The following RMND5B variants were observed in gnomAD, a reference collection of about 807,000 sequenced individuals.
RMND5B encodes the protein E3 ubiquitin-protein transferase RMND5B.
Under a neutral mutation model 50.4 loss-of-function variants are expected in RMND5B, and 42 were observed. The observed-to-expected ratio is 0.83, with a 90% CI of 0.65 to 1.08. The LOEUF is 1.08. RMND5B is among the 50% of genes least tolerant of loss of function. The pLI is 0.00. For synonymous variants in RMND5B, 220 were observed against 210.0 expected (o/e 1.05, Z -0.41); for missense variants, 463 against 508.5 (o/e 0.91, Z 0.86).
chr5:178,141,855 CT>C (rs1758962822), intron 3 of RMND5B: 1 of 152,210 alleles, frequency 6.6e-6, no homozygotes, highest in South Asian at 2.1e-4. Flanking sequence ...CATTTCCTCC[CT>C]CTCCCTAGCC....
rs1758671504 is a variant in RMND5B at position 178,137,384 on chromosome 5, A to G, written c.-12-724A>G. The stretch of plus-strand genomic sequence containing the variant: ...CCTCTAACTGTAAGAATGTGGCCAT[A>G]ATAACTCTATGAAAATACACGGGCC... On this transcript the variant is annotated intron_variant, in intron 2 of 10. Coordinates refer to ENST00000313386, the MANE Select transcript of RMND5B (RefSeq NM_022762.5). The surrounding 1 kb of genome is among the most constrained non-coding windows in gnomAD (Gnocchi z 4.4). Among the ~76,000 whole-genome samples, 1 of 152,178 alleles carries G rather than the reference A, an allele frequency of 6.6e-6. No homozygotes were observed. Among genetic ancestry groups the G allele is most frequent in the African/African-American group, 2.4e-5 (1 of 41,450 alleles).
intron 3 of RMND5B, among the ~76,000 whole-genome samples, chr5:178,139,651 C>G (rs1344342124): frequency 6.6e-6 from 1 of 151,056 alleles, no homozygotes; most frequent in African/African-American, 2.4e-5. Context: ...TCAAGAGATT[C>G]TCCTGCTTCA....
chr5:178,146,448 G>T, intron 8 of RMND5B, 169 bp downstream of exon 8: 1 of 647,430 alleles, frequency 1.5e-6, no homozygotes, highest in Non-Finnish European at 2.6e-6. Flanking sequence ...CAGTTAAACT[G>T]AGACTAGGAA....
intron 8 of RMND5B, 39 bp from the exon 9 acceptor site, chr5:178,147,494 G>A: frequency 6.4e-7 from 1 of 1,572,662 alleles, no homozygotes; most frequent in Non-Finnish European, 8.7e-7. Flanking sequence ...CCTGTCTGCT[G>A]TGATCTGAGC....
intron 2 of RMND5B, chr5:178,133,491 C>T (rs1394920171): frequency 6.6e-6 from 1 of 152,152 alleles, no homozygotes; most frequent in African/African-American, 2.4e-5. Flanking sequence ...ACTGCAACCT[C>T]CACCTCCTAG....
At chr5:178,139,492 C>G (rs1044133376) in intron 3 of RMND5B, among the ~76,000 whole-genome samples, 8 of 151,186 alleles carry the variant, frequency 5.3e-5, no homozygotes, top group Admixed American at 1.3e-4. Context: ...TAGGTGTGAG[C>G]CACCATACCC....
At chr5:178,146,558 C>T in intron 8 of RMND5B, 1 of 404,096 alleles carries the variant, frequency 2.5e-6, no homozygotes, top group Non-Finnish European at 4.6e-6. Flanking sequence ...GCACCTCACC[C>T]TGGATCATTG....
chr5:178,134,640 A>G (rs1227971879), intron 2 of RMND5B, among the ~76,000 whole-genome samples: 3 of 152,136 alleles, frequency 2.0e-5, no homozygotes, highest in Non-Finnish European at 2.9e-5. Context: ...AATACCCACG[A>G]ACAGTTCTGT....
At chr5:178,131,897 C>T (rs974647700) in intron 2 of RMND5B, among the ~76,000 whole-genome samples, 1 of 151,494 alleles carries the variant, frequency 6.6e-6, no homozygotes, top group African/African-American at 2.4e-5. Context: ...GGTTTGGTCA[C>T]ATAGAGTCTG....
Position 178,148,290 on chromosome 5 carries a change from T to C in RMND5B, c.*258T>C, listed in dbSNP as rs1211392911. Reference sequence around the variant, plus strand: ...TGCTCCTGCTGTCTTTTCCTGTTTCTGTTTGCGTTTGACTTAGTAGCAACC... The same window carrying C: ...TGCTCCTGCTGTCTTTTCCTGTTTCCGTTTGCGTTTGACTTAGTAGCAACC... On this transcript the variant is annotated 3_prime_UTR_variant, in exon 11 of 11. Coordinates refer to ENST00000313386, the MANE Select transcript of RMND5B (RefSeq NM_022762.5). 5.4e-6 allele frequency: 3 copies of C among 554,042 alleles called. No individual in the cohort carries two copies. Among genetic ancestry groups the C allele is most frequent in the Non-Finnish European group, 9.7e-6 (3 of 308,062 alleles). The allele number at this position is 554,042 out of a possible 1,614,324, so 34.3% of individuals were successfully genotyped here. A position where few individuals can be genotyped will look rare whatever the true frequency, so the allele number is the denominator to read the frequency against.
rs1258442545 is a variant in RMND5B, at chr5:178,149,136, T to C, written c.*1104T>C. 3 of 152,534 alleles carry C rather than the reference T, an allele frequency of 2.0e-5. No homozygotes were observed. In the East Asian group the frequency reaches 5.8e-4, roughly 29 times the overall value. 9.4% of individuals were successfully genotyped at this position (152,534 alleles called of 1,614,324 possible). On this transcript the variant is annotated 3_prime_UTR_variant, in exon 11 of 11. Transcript: ENST00000313386. Reference sequence around the variant, plus strand: ...TAAATTGCTTCCATAAGCTTCACAGTGGCATTTAAGGCTCCTGGGTTAAGT... The same window carrying C: ...TAAATTGCTTCCATAAGCTTCACAGCGGCATTTAAGGCTCCTGGGTTAAGT...
At chr5:178,139,515 C>T (rs766524669) in intron 3 of RMND5B, among the ~76,000 whole-genome samples, 12 of 144,698 alleles carry the variant, frequency 8.3e-5, no homozygotes. Context: ...CCAGTGTAGT[C>T]AACATTTCAA....
At chr5:178,134,172 G>A (rs1226547918) in intron 2 of RMND5B, among the ~76,000 whole-genome samples, 1 of 152,200 alleles carries the variant, frequency 6.6e-6, no homozygotes, top group Non-Finnish European at 1.5e-5. Flanking sequence ...AGTAGCTGAG[G>A]ACTCGATGGG....
In RMND5B at chr5:178,138,287, C is replaced by T. The variant is rs767633363; in HGVS notation, c.139+29C>T. On this transcript the variant is annotated intron_variant, in intron 3 of 10. Coordinates refer to ENST00000313386, the MANE Select transcript of RMND5B (RefSeq NM_022762.5). The surrounding 1 kb of genome is among the most constrained non-coding windows in gnomAD (Gnocchi z 5.1). ...GGTGGCCACCCTTGCAAGTGCCCTG[C>T]GACAGCCTCCCTGAGGACATGGGAG... 3.4e-5 allele frequency: 54 copies of T among 1,608,874 alleles called. 2 individuals are homozygous for T. Among genetic ancestry groups the T allele is most frequent in the South Asian group, 3.0e-4 (27 of 90,278 alleles).
intron 2 of RMND5B, among the ~76,000 whole-genome samples, chr5:178,135,873 A>C (rs1201361243): frequency 6.6e-6 from 1 of 152,170 alleles, no homozygotes; most frequent in African/African-American, 2.4e-5. Flanking sequence ...TCTAGTTCCC[A>C]GACACTCTTG....
Position 178,146,161 on chromosome 5 carries a change from G to C in RMND5B, c.742G>C (p.Glu248Gln). 6.2e-7 allele frequency: 1 copy of C among 1,614,194 alleles called. No homozygotes were observed. The highest frequency in any genetic ancestry group is 8.5e-7 in the Non-Finnish European group (1 of 1,180,040). The change falls in exon 8 of 11, where the codon GAG (glutamate) becomes CAG (glutamine). Residue 248 changes from glutamate (E) to glutamine (Q), a missense_variant. Physicochemically the swap from Glu to Gln is conservative, Grantham distance 29. Transcript: ENST00000313386. ...CCTGGTGTACCTGCGGCTGGGCTTG[G>C]AGAAGTCACCCTACTGCCACCTGCT... ...GSLVYLRLGL[E>Q]KSPYCHLLDS...
chr5:178,141,706 A>C (rs1758954776), intron 3 of RMND5B: 2 of 152,200 alleles, frequency 1.3e-5, no homozygotes, highest in South Asian at 4.1e-4. Context: ...ATACATACAT[A>C]CATAGATGAA....
In RMND5B at chr5:178,147,876, G is replaced by A. The variant is rs751823757; in HGVS notation, c.1111G>A (p.Gly371Arg). The A allele has an allele frequency of 6.2e-7, 1 of 1,614,090 alleles. No homozygotes were observed. The highest frequency in any genetic ancestry group is 8.5e-7 in the Non-Finnish European group (1 of 1,180,018). ...SRDALNKLIN[G>R]GKLKCPYCPM... Reference sequence around the variant, plus strand: ...AGATGCACTCAATAAGCTCATTAATGGAGGAAAGTAAGTTCCCCGTGCTCT... The same window carrying A: ...AGATGCACTCAATAAGCTCATTAATAGAGGAAAGTAAGTTCCCCGTGCTCT... Residue 371 changes from glycine to arginine, a missense_variant, in exon 10 of 11, where the codon GGA becomes AGA. Gly to Arg is a moderately radical substitution (Grantham distance 125, BLOSUM62 -2). Coordinates refer to ENST00000313386, the MANE Select transcript of RMND5B (RefSeq NM_022762.5).
chr5:178,134,188 T>C (rs1758491875), intron 2 of RMND5B, among the ~76,000 whole-genome samples: 1 of 152,100 alleles, frequency 6.6e-6, no homozygotes, highest in Non-Finnish European at 1.5e-5. Context: ...ATGGGTGTGG[T>C]GTGGCCACTC....
Sources: allele counts gnomAD v4.1 joint callset (sites outside exome capture counted in the v4.1 genomes callset), GRCh38; gene constraint gnomAD v4.1.1; non-coding constraint Gnocchi (gnomAD v3.1); transcripts MANE v1.5; gene names NCBI Gene and HGNC (gene_info 2026-07-23, HGNC 2026-07-21).